NIN: variants seen among roughly 807,000 people sequenced by gnomAD.
NIN encodes the protein ninein, also known as glycogen synthase kinase 3 beta-interacting protein.
In NIN, 137 loss-of-function variants were observed where a neutral mutation model predicts 257.6. The ratio of observed to expected loss-of-function variants is 0.53; its 90% CI spans 0.46 to 0.61. The LOEUF is 0.61. Among genes scored for constraint, NIN ranks in the 20% least tolerant of loss-of-function variants. The pLI is 0.00. For synonymous variants in NIN, 918 were observed against 919.8 expected, an observed-to-expected ratio of 1.00 and a Z score of 0.04; for missense variants, 2,439 against 2,501.2, an observed-to-expected ratio of 0.98 and a Z score of 0.53.
chr14:50,736,414 G>T (rs1176453192), intron 27 of NIN, among the ~76,000 whole-genome samples: 1 of 152,108 alleles, frequency 6.6e-6, no homozygotes, highest in African/African-American at 2.4e-5. Flanking sequence ...TGGGATTACA[G>T]GCATGAGCCA....
intron 5 of NIN, among the ~76,000 whole-genome samples, chr14:50,791,551 GT>G (rs1046289169): frequency 6.7e-6 from 1 of 150,372 alleles, no homozygotes; most frequent in Non-Finnish European, 1.5e-5. Context: ...AGTGTCATTT[GT>G]TTTTTTAAAA....
intron 17 of NIN, 37 bp downstream of exon 17, chr14:50,759,820 G>T: frequency 6.4e-7 from 1 of 1,565,504 alleles, no homozygotes; most frequent in South Asian, 1.2e-5. Flanking sequence ...CCGAGGGATG[G>T]TGCCCCAGGT....
intron 3 of NIN, among the ~76,000 whole-genome samples, chr14:50,809,123 A>G (rs572292385): frequency 9.2e-5 from 14 of 152,312 alleles, no homozygotes; most frequent in African/African-American, 3.1e-4. Flanking sequence ...TGGGAGACTG[A>G]GGGAGGAGAA....
At chr14:50,747,880 A>G (rs1168892851) in intron 22 of NIN, 112 bp downstream of exon 22, 1 of 718,990 alleles carries the variant, frequency 1.4e-6, no homozygotes. Context: ...CTACCAAGCT[A>G]GTTGACAGAA....
At position 50,777,017 on chromosome 14, in the gene NIN, C is replaced by A; in HGVS notation, c.598G>T (p.Gly200Cys). Residue 200 changes from glycine to cysteine, a missense_variant, in exon 7 of 31, where the codon GGT becomes TGT. Coordinates refer to ENST00000530997, the MANE Select transcript of NIN (RefSeq NM_020921.4). The part of the protein sequence containing the change: ...VCEDLGITRD[G>C]HLNRKKLVSI... The stretch of plus-strand genomic sequence containing the variant: ...ACCAGCTTCTTCCGGTTCAGGTGAC[C>A]ATCACGGGTGATCCCCAAATCTTCA... 5 of 1,614,208 alleles carry A rather than the reference C, an allele frequency of 3.1e-6. No individual in the cohort carries two copies. The highest frequency in any genetic ancestry group is 4.2e-6 in the Non-Finnish European group (5 of 1,180,038).
chr14:50,763,317 C>A (rs2042344633), intron 15 of NIN, among the ~76,000 whole-genome samples: 1 of 152,136 alleles, frequency 6.6e-6, no homozygotes, highest in Admixed American at 6.5e-5. Flanking sequence ...AAATCTTCCT[C>A]AAAGGCCAGG....
intron 6 of NIN, among the ~76,000 whole-genome samples, chr14:50,777,686 A>AG (rs920955974): frequency 1.1e-4 from 16 of 152,076 alleles, no homozygotes; most frequent in African/African-American, 3.9e-4. Context: ...GAAATTAAAA[A>AG]AAAAAAATCA....
intron 7 of NIN, among the ~76,000 whole-genome samples, chr14:50,773,624 A>C (rs878883758): frequency 3.3e-5 from 5 of 152,232 alleles, no homozygotes; most frequent in Non-Finnish European, 7.3e-5. Context: ...GAAATCCATA[A>C]CTTGGGGTTT....
chr14:50,796,934 G>A (rs2043865910), intron 4 of NIN, among the ~76,000 whole-genome samples: 1 of 152,176 alleles, frequency 6.6e-6, no homozygotes, highest in African/African-American at 2.4e-5. Context: ...TAAAACCACT[G>A]CATGAACAGC....
At chr14:50,726,309 C>A in intron 29 of NIN, 1 of 423,352 alleles carries the variant, frequency 2.4e-6, no homozygotes, top group East Asian at 3.5e-5. Flanking sequence ...ACCATCATCC[C>A]CCTGATATAA....
At chr14:50,801,481 C>T (rs2044100502) in intron 4 of NIN, among the ~76,000 whole-genome samples, 1 of 152,202 alleles carries the variant, frequency 6.6e-6, no homozygotes, top group South Asian at 2.1e-4. Flanking sequence ...TTCTTACTTA[C>T]CTTACTTAAC....
At chr14:50,790,827 T>C (rs976919880) in intron 5 of NIN, among the ~76,000 whole-genome samples, 32 of 152,338 alleles carry the variant, frequency 2.1e-4, no homozygotes, top group African/African-American at 7.5e-4. Context: ...TCTTTATTTA[T>C]ACATGAAATC....
rs139167632 is a variant in NIN, at chr14:50,724,360, A to C, written c.6193-688T>G. 3.8e-4 allele frequency: 81 copies of C among 213,960 alleles called. No individual in the cohort carries two copies. The East Asian group carries it at 5.5e-3, about 15-fold the overall frequency. The allele number at this position is 213,960 out of a possible 1,614,324, so 13.3% of individuals were successfully genotyped here. A position where few individuals can be genotyped will look rare whatever the true frequency, so the allele number is the denominator to read the frequency against. On this transcript the variant is annotated intron_variant, in intron 30 of 30. Transcript: ENST00000530997. ...ACCCAATTTCAAGTAGGGCATCTAAAAGTATAAAGGTTTATGAGAATAAAG... is the reference window on the plus strand; with the variant it reads ...ACCCAATTTCAAGTAGGGCATCTAACAGTATAAAGGTTTATGAGAATAAAG...
Position 50,822,039 on chromosome 14 carries a change from C to T in NIN, c.18G>A (p.Gln6=), listed in dbSNP as rs541093412. 6.2e-7 allele frequency: 1 copy of T among 1,613,574 alleles called. No individual in the cohort carries two copies. The highest frequency in any genetic ancestry group is 8.5e-7 in the Non-Finnish European group (1 of 1,179,618). The change falls in exon 3 of 31, where the codon CAG becomes CAA. Residue 6 remains glutamine, a synonymous_variant. Transcript: ENST00000530997. The part of the protein sequence containing the change: MDEVE[Q]DQHEARLKEL... ...CCTTGAGTCGGGCCTCATGCTGGTC[C>T]TGCTCCACCTCATCCATCCCATAGC...
chr14:50,732,744 T>C (rs1466433552), intron 28 of NIN, among the ~76,000 whole-genome samples: 1 of 152,156 alleles, frequency 6.6e-6, no homozygotes, highest in Non-Finnish European at 1.5e-5. Flanking sequence ...GGGTTTTTTT[T>C]TGAGACGGAG....
At chr14:50,827,810 A>C (rs1164859159) in intron 2 of NIN, among the ~76,000 whole-genome samples, 1 of 151,476 alleles carries the variant, frequency 6.6e-6, no homozygotes, top group African/African-American at 2.4e-5. Context: ...TGTCAACTAC[A>C]CTATAATATT....
chr14:50,784,314 G>T (rs1309053985), intron 5 of NIN, among the ~76,000 whole-genome samples: 2 of 152,130 alleles, frequency 1.3e-5, no homozygotes, highest in East Asian at 3.9e-4. Context: ...GTGGTTAGGG[G>T]TTTAGACTGC....
chr14:50,805,442 A>G (rs1364839869), intron 4 of NIN, among the ~76,000 whole-genome samples: 1 of 152,194 alleles, frequency 6.6e-6, no homozygotes, highest in East Asian at 1.9e-4. Flanking sequence ...CAAGTATCAG[A>G]GTTAAGAACA....
intron 3 of NIN, among the ~76,000 whole-genome samples, chr14:50,817,222 A>T (rs750833482): frequency 2.5e-4 from 38 of 152,222 alleles, no homozygotes; most frequent in Admixed American, 2.6e-4. Context: ...TGACAACCCC[A>T]TCAGCAGCAC....
Sources: gnomAD v4.1 joint callset for allele counts (sites outside exome capture counted in the v4.1 genomes callset) on GRCh38, gnomAD v4.1.1 for gene constraint, MANE v1.5 for transcripts, NCBI Gene and HGNC (gene_info 2026-07-23, HGNC 2026-07-21) for gene names.